The following PCDH7 variants were observed in gnomAD, a reference collection of about 807,000 sequenced individuals.
PCDH7 encodes the protein protocadherin-7.
Under a neutral mutation model 58.9 loss-of-function variants are expected in PCDH7, and 17 were observed. That is an observed-to-expected ratio of 0.29 (90% confidence interval 0.20 to 0.43). The LOEUF is 0.43. Among genes scored for constraint, PCDH7 ranks in the 20% least tolerant of loss-of-function variants. The probability of loss-of-function intolerance (pLI) is 1.00; values close to 1 mark genes in which losing one functional copy is unlikely to be tolerated. For missense variants in PCDH7, 1,274 were observed against 1,441.0 expected (o/e 0.88, Z 1.88); for synonymous variants, 664 against 616.4 (o/e 1.08, Z -1.14).
chr4:30,743,726 A>T (rs1021573135), intron 1 of PCDH7, among the ~76,000 whole-genome samples: 2 of 151,246 alleles, frequency 1.3e-5, no homozygotes, highest in Non-Finnish European at 2.9e-5. Flanking sequence ...TCTCTCATAC[A>T]TACACACACA....
At chr4:31,109,374 T>C (rs1360816959) in intron 3 of PCDH7, among the ~76,000 whole-genome samples, 2 of 152,214 alleles carry the variant, frequency 1.3e-5, no homozygotes, top group Admixed American at 6.5e-5. Context: ...TAAAGTAAGG[T>C]TGTTAGCTTC....
intron 3 of PCDH7, among the ~76,000 whole-genome samples, chr4:31,071,566 C>A (rs763546805): frequency 1.3e-5 from 2 of 151,880 alleles, no homozygotes. Context: ...AATTTTAGTT[C>A]TATTCTGTTT....
intron 3 of PCDH7, among the ~76,000 whole-genome samples, chr4:31,099,781 A>G (rs1012850801): frequency 2.0e-5 from 3 of 152,286 alleles, no homozygotes; most frequent in African/African-American, 7.2e-5. Flanking sequence ...TCCTCAAACC[A>G]GATGACAACC....
chr4:30,744,325 A>G (rs1206589542), intron 1 of PCDH7, among the ~76,000 whole-genome samples: 2 of 152,212 alleles, frequency 1.3e-5, no homozygotes, highest in African/African-American at 2.4e-5. Context: ...TCATATAACT[A>G]AAGGTCAGTA....
rs1030617525 is a variant in PCDH7 at position 30,723,071 on chromosome 4, C to A, written c.1649C>A (p.Pro550Gln). 1 of 1,613,790 alleles carries A rather than the reference C, an allele frequency of 6.2e-7. No individual in the cohort carries two copies. Among genetic ancestry groups the A allele is most frequent in the Non-Finnish European group, 8.5e-7 (1 of 1,180,032 alleles). Residue 550 changes from proline (P) to glutamine (Q), a missense_variant, in exon 1 of 2, where the codon CCG becomes CAG. Pro to Gln is a moderately conservative substitution (Grantham distance 76). This residue lies in a region of PCDH7 where 731 missense variants were observed against 881.9 expected (regional missense o/e 0.83). Coordinates refer to ENST00000361762, the Ensembl canonical transcript of PCDH7. This position sits in a 1 kb window ranked among gnomAD's most constrained non-coding sequence, Gnocchi z 4.6. ...GTTTACTTCCCTGAGAACAACATCC[C>A]GGGCGAGAGGGTGGCCACGGTGCTG...
chr4:31,102,372 G>A (rs1715000690), intron 3 of PCDH7, among the ~76,000 whole-genome samples: 1 of 152,092 alleles, frequency 6.6e-6, no homozygotes, highest in South Asian at 2.1e-4. Context: ...AAGCACGGGT[G>A]TTTATAATAT....
intron 1 of PCDH7, among the ~76,000 whole-genome samples, chr4:30,760,380 C>A (rs10939312): frequency 0.46 from 69,693 of 151,942 alleles, 16,612 homozygotes; most frequent in Middle Eastern, 0.53. Flanking sequence ...AAAGGTATTC[C>A]AATAGGAAGA....
At chr4:30,977,174 T>C (rs1005117955) in intron 3 of PCDH7, among the ~76,000 whole-genome samples, 9 of 152,206 alleles carry the variant, frequency 5.9e-5, no homozygotes, top group African/African-American at 1.7e-4. Flanking sequence ...CTGAATTTTC[T>C]TATTTGCAAG....
chr4:31,055,188 T>C (rs948359887), intron 3 of PCDH7, among the ~76,000 whole-genome samples: 7 of 152,186 alleles, frequency 4.6e-5, no homozygotes, highest in Non-Finnish European at 1.0e-4. Flanking sequence ...CATCTTCAAG[T>C]GAAATGTTGT....
At chr4:31,116,983 G>A (rs1162868722) in intron 3 of PCDH7, among the ~76,000 whole-genome samples, 2 of 152,106 alleles carry the variant, frequency 1.3e-5, no homozygotes, top group South Asian at 2.1e-4. Flanking sequence ...TTACAGGCAT[G>A]TGCCACCACA....
At chr4:30,892,215 G>C (rs1465218138) in intron 1 of PCDH7, among the ~76,000 whole-genome samples, 6 of 151,694 alleles carry the variant, frequency 4.0e-5, no homozygotes, top group Middle Eastern at 3.4e-3. Flanking sequence ...TATTATACTA[G>C]GTAAATATAA....
intron 3 of PCDH7, among the ~76,000 whole-genome samples, chr4:31,055,431 T>A (rs6829654): frequency 0.038 from 5,736 of 152,142 alleles, 389 homozygotes; most frequent in African/African-American, 0.13. Flanking sequence ...AGTAATAGGT[T>A]TTTAAAAAAT....
intron 1 of PCDH7, among the ~76,000 whole-genome samples, chr4:30,784,147 A>C (rs1203877102): frequency 6.6e-6 from 1 of 152,186 alleles, no homozygotes; most frequent in Non-Finnish European, 1.5e-5. Flanking sequence ...GGCCATTTTA[A>C]TTAGCTGATT....
intron 3 of PCDH7, among the ~76,000 whole-genome samples, chr4:31,099,346 G>T (rs1369386499): frequency 6.6e-6 from 1 of 152,140 alleles, no homozygotes; most frequent in African/African-American, 2.4e-5. Flanking sequence ...AGGGGGATCT[G>T]CCTAAAGGTG....
chr4:30,907,939 G>A (rs1741193565), intron 1 of PCDH7, among the ~76,000 whole-genome samples: 1 of 152,162 alleles, frequency 6.6e-6, no homozygotes. Flanking sequence ...ATGAGTTCAT[G>A]TCCTTTGTGG....
chr4:31,039,836 G>A (rs529494592), intron 3 of PCDH7, among the ~76,000 whole-genome samples: 3 of 152,162 alleles, frequency 2.0e-5, no homozygotes, highest in South Asian at 2.1e-4. Flanking sequence ...CAATAATCTC[G>A]TGATTATATC....
chr4:31,027,250 T>C (rs576716466), intron 3 of PCDH7, among the ~76,000 whole-genome samples: 2 of 152,234 alleles, frequency 1.3e-5, no homozygotes, highest in Admixed American at 6.5e-5. Flanking sequence ...TCATCACAAA[T>C]AGGCATTATG....
At chr4:30,931,326 AG>A (rs1194058480) in intron 2 of PCDH7, among the ~76,000 whole-genome samples, 2 of 152,152 alleles carry the variant, frequency 1.3e-5, no homozygotes, top group African/African-American at 4.8e-5. Context: ...CTGTAATCCC[AG>A]CACTTTGGGA....
At chr4:30,946,121 A>G (rs186130744) in intron 2 of PCDH7, among the ~76,000 whole-genome samples, 1 of 152,228 alleles carries the variant, frequency 6.6e-6, no homozygotes, top group East Asian at 1.9e-4. Flanking sequence ...AAAATCTCTG[A>G]TTTTTCCAAT....
Sources: gnomAD v4.1 joint callset for allele counts (sites outside exome capture counted in the v4.1 genomes callset) on GRCh38, gnomAD v4.1.1 for gene constraint, gnomAD v4.1.1 regional missense constraint, Gnocchi (gnomAD v3.1) non-coding constraint, MANE v1.5 for transcripts, NCBI Gene and HGNC (gene_info 2026-07-23, HGNC 2026-07-21) for gene names.